Variants in PCDHGA6 observed in about 807,000 individuals in gnomAD.
PCDHGA6 encodes the protein protocadherin gamma-A6.
PCDHGA6 carries 41 observed loss-of-function variants against 60.6 expected under a neutral mutation model. That is an observed-to-expected ratio of 0.68 (90% CI 0.53 to 0.88). The LOEUF (loss-of-function observed/expected upper bound fraction) is 0.88. PCDHGA6 is among the 40% of genes least tolerant of loss of function. The pLI, the probability that PCDHGA6 is intolerant of heterozygous loss-of-function variation, is 0.00. For missense variants in PCDHGA6, 1,312 were observed against 1,203.0 expected (o/e 1.09, Z -1.34); for synonymous variants, 594 against 524.4 (o/e 1.13, Z -1.81).
chr5:141,413,170 A>G, intron 1 of PCDHGA6: 1 of 1,595,602 alleles, frequency 6.3e-7, no homozygotes, highest in Non-Finnish European at 8.5e-7. Flanking sequence ...CTGTAACCAG[A>G]CTACAATGGC....
chr5:141,419,715 T>A, intron 1 of PCDHGA6: 5 of 1,613,288 alleles, frequency 3.1e-6, no homozygotes, highest in Non-Finnish European at 4.2e-6. Context: ...CTCTTCAGCC[T>A]GGGGCTGCGA....
At position 141,386,158 on chromosome 5, in the gene PCDHGA6, A is replaced by G. The variant is rs530436705; in HGVS notation, c.2424+9651A>G. ...TGGCTTTGTTTCAACTGTCTCACGTACTCAAACCTTAGACCATCTTATGTA... is the reference window on the plus strand; with the variant it reads ...TGGCTTTGTTTCAACTGTCTCACGTGCTCAAACCTTAGACCATCTTATGTA... On this transcript the variant is annotated intron_variant, in intron 1 of 3. Coordinates refer to ENST00000517434, the MANE Select transcript of PCDHGA6 (RefSeq NM_018919.3). Among the ~76,000 whole-genome samples, 24 of 152,284 alleles carry G rather than the reference A, an allele frequency of 1.6e-4. No individual in the cohort carries two copies. In the East Asian group the frequency reaches 4.6e-3, roughly 29 times the overall value.
chr5:141,487,675 A>G lies in PCDHGA6; in HGVS notation c.2425-7132A>G, dbSNP rs752606441. ...GTTATTCTGATCCAGGCATATGGCT[A>G]GGCCATGTCCTAGAGAGTACTGGCC... On this transcript the variant is annotated intron_variant, in intron 1 of 3. Transcript: ENST00000517434. This position sits in a 1 kb window ranked among gnomAD's most constrained non-coding sequence, Gnocchi z 5.0. 22 of 1,611,038 alleles carry G rather than the reference A, an allele frequency of 1.4e-5. No individual in the cohort carries two copies. Among genetic ancestry groups the G allele is most frequent in the Non-Finnish European group, 1.7e-5 (20 of 1,178,458 alleles).
chr5:141,413,695 T>C lies in PCDHGA6; in HGVS notation c.2424+37188T>C, dbSNP rs573363878. The C allele has an allele frequency of 4.8e-5, 77 of 1,613,796 alleles. 1 individual carries two copies. The highest frequency in any genetic ancestry group is 3.0e-4 in the South Asian group (27 of 91,078). ...TGTGGGCGTGAACTCCCTGCAGAGC[T>C]ATCAGCTCAGCCCCAATAAGCACTT... On this transcript the variant is annotated intron_variant, in intron 1 of 3. Transcript: ENST00000517434.
rs1347978078 is a variant in PCDHGA6, at chr5:141,486,800, C to G, written c.2425-8007C>G. ...GGTGCAGGCCCGGGATCGGGGCAAC[C>G]CACCCCTTAGCAGCACTGTAACAGT... On this transcript the variant is annotated intron_variant, in intron 1 of 3. Coordinates refer to ENST00000517434, the MANE Select transcript of PCDHGA6 (RefSeq NM_018919.3). The surrounding 1 kb of genome is among the most constrained non-coding windows in gnomAD (Gnocchi z 5.0). 1.9e-6 allele frequency: 3 copies of G among 1,614,104 alleles called. No individual in the cohort carries two copies. In the Admixed American group the frequency reaches 5.0e-5, roughly 27 times the overall value.
intron 1 of PCDHGA6, chr5:141,440,564 A>T (rs531383065): frequency 1.3e-5 from 2 of 152,248 alleles, no homozygotes; most frequent in Non-Finnish European, 2.9e-5. Context: ...TAAGTTACGT[A>T]TCTCTGAGTT....
At chr5:141,390,271 C>A in intron 1 of PCDHGA6, 1 of 1,614,036 alleles carries the variant, frequency 6.2e-7, no homozygotes, top group Non-Finnish European at 8.5e-7. Context: ...AGTGAATTGA[C>A]TTCCCATCAG....
chr5:141,510,568 G>C (rs2099881703), intron 3 of PCDHGA6, among the ~76,000 whole-genome samples: 1 of 152,100 alleles, frequency 6.6e-6, no homozygotes, highest in Non-Finnish European at 1.5e-5. Context: ...CATCTACCAG[G>C]CACTATTTTA....
intron 1 of PCDHGA6, chr5:141,393,821 G>A: frequency 6.2e-7 from 1 of 1,613,734 alleles, no homozygotes; most frequent in South Asian, 1.1e-5. Context: ...TGCTCATTTC[G>A]GTGGAAGATG....
chr5:141,383,112 G>A (rs1167934535), intron 1 of PCDHGA6: 7 of 1,614,042 alleles, frequency 4.3e-6, no homozygotes, highest in East Asian at 2.2e-5. Context: ...CCAGAGGTAG[G>A]ACGCAGCTTT....
At chr5:141,417,706 A>T in intron 1 of PCDHGA6, 1 of 1,214,910 alleles carries the variant, frequency 8.2e-7, no homozygotes, top group Non-Finnish European at 1.1e-6. Flanking sequence ...TCCCACACAG[A>T]GGCTCCCGGC....
intron 1 of PCDHGA6, chr5:141,388,504 C>T: frequency 1.2e-6 from 2 of 1,613,808 alleles, no homozygotes; most frequent in Non-Finnish European, 1.7e-6. Context: ...AAGCAGAAAT[C>T]CTACCACTTG....
At position 141,489,888 on chromosome 5, in the gene PCDHGA6, T is replaced by TG. The variant is rs759744295; in HGVS notation, c.2425-4913dup. On this transcript the variant is annotated intron_variant, in intron 1 of 3. Coordinates refer to ENST00000517434, the MANE Select transcript of PCDHGA6 (RefSeq NM_018919.3). The surrounding 1 kb of genome is among the most constrained non-coding windows in gnomAD (Gnocchi z 4.5). ...ATCAGCTGGTGCTTACTGCTGTGGATGGGGGGACCCCAGCCCGCTCAGGGA... is the reference window on the plus strand; with the variant it reads ...ATCAGCTGGTGCTTACTGCTGTGGATGGGGGGGACCCCAGCCCGCTCAGGGA... 6.4e-5 allele frequency: 103 copies of TG among 1,614,088 alleles called. No individual in the cohort carries two copies. Among genetic ancestry groups the TG allele is most frequent in the Non-Finnish European group, 8.6e-5 (101 of 1,180,048 alleles).
intron 1 of PCDHGA6, chr5:141,426,302 A>G (rs1590676929): frequency 1.2e-5 from 2 of 172,322 alleles, no homozygotes; most frequent in East Asian, 1.4e-4. Context: ...AACAGGGTGA[A>G]GCAGAGAAGC....
At chr5:141,492,659 T>C (rs2099742881) in intron 1 of PCDHGA6, among the ~76,000 whole-genome samples, 1 of 152,182 alleles carries the variant, frequency 6.6e-6, no homozygotes, top group Non-Finnish European at 1.5e-5. Context: ...GTCCGGATGG[T>C]CCCGGGACTC....
chr5:141,412,893 A>C (rs1190008207), intron 1 of PCDHGA6: 6 of 340,884 alleles, frequency 1.8e-5, no homozygotes, highest in Non-Finnish European at 2.6e-5. Flanking sequence ...AGAATAGTTT[A>C]CTTTCCATTG....
chr5:141,489,660 G>A lies in PCDHGA6; in HGVS notation c.2425-5147G>A, dbSNP rs763985085. 3 of 1,614,096 alleles carry A rather than the reference G, an allele frequency of 1.9e-6. No individual in the cohort carries two copies. Among genetic ancestry groups the A allele is most frequent in the Non-Finnish European group, 2.5e-6 (3 of 1,180,036 alleles). On this transcript the variant is annotated intron_variant, in intron 1 of 3. Coordinates refer to ENST00000517434, the MANE Select transcript of PCDHGA6 (RefSeq NM_018919.3). The surrounding 1 kb of genome is among the most constrained non-coding windows in gnomAD (Gnocchi z 4.5). Reference sequence around the variant, plus strand: ...GCTTTGCCACCCCTGAGCGAGAGATGCGCATCTCAGAATCAGCAGCATCTG... The same window carrying A: ...GCTTTGCCACCCCTGAGCGAGAGATACGCATCTCAGAATCAGCAGCATCTG...
intron 1 of PCDHGA6, among the ~76,000 whole-genome samples, chr5:141,381,392 A>G (rs887778756): frequency 6.6e-6 from 1 of 152,096 alleles, no homozygotes; most frequent in Non-Finnish European, 1.5e-5. Flanking sequence ...ATTTAGTTTT[A>G]CTCTATCAAC....
chr5:141,390,790 G>C (rs2092232072), intron 1 of PCDHGA6: 2 of 166,124 alleles, frequency 1.2e-5, no homozygotes, highest in Admixed American at 1.2e-4. Flanking sequence ...TGTTTCAAAA[G>C]CTCTTAGAAT....
Sources: allele counts gnomAD v4.1 joint callset (sites outside exome capture counted in the v4.1 genomes callset), GRCh38; gene constraint gnomAD v4.1.1; non-coding constraint Gnocchi (gnomAD v3.1); transcripts MANE v1.5; gene names NCBI Gene and HGNC (gene_info 2026-07-23, HGNC 2026-07-21).